The following STRIP1 variants were observed in gnomAD, a reference collection of about 807,000 sequenced individuals.
The protein encoded by STRIP1 is striatin interacting protein 1.
A neutral mutation model predicts 106.2 loss-of-function variants in STRIP1; 63 were observed. The ratio of observed to expected loss-of-function variants is 0.59; its 90% CI spans 0.48 to 0.73. The LOEUF is 0.73. Ranked by LOEUF, STRIP1 falls within the 30% of genes least tolerant of loss-of-function variation. The pLI, the probability that STRIP1 is intolerant of heterozygous loss-of-function variation, is 0.00. For synonymous variants in STRIP1, 390 were observed against 413.0 expected (o/e 0.94, Z 0.67); for missense variants, 857 against 1,074.8 (o/e 0.80, Z 2.83).
chr1:110,051,033 G>C lies in STRIP1; in HGVS notation c.2034G>C (p.Leu678=). 6.2e-7 allele frequency: 1 copy of C among 1,613,038 alleles called. No homozygotes were observed. The highest frequency in any genetic ancestry group is 8.5e-7 in the Non-Finnish European group (1 of 1,178,984). ...CINLLRILNK[L]TKWKHSRTMM... is the part of the protein sequence containing the mutation. ...ATCTGCTTCGGATCTTGAACAAGCT[G>C]ACAAAGTGGAAGCATTCAAGGACAA... Residue 678 remains leucine (L), a synonymous_variant, in exon 19 of 21, where the codon CTG becomes CTC. Coordinates refer to ENST00000369795, the MANE Select transcript of STRIP1 (RefSeq NM_033088.4).
upstream of STRIP1, among the ~76,000 whole-genome samples, chr1:110,033,511 A>G (rs1456680483): frequency 6.6e-6 from 1 of 152,256 alleles, no homozygotes; most frequent in African/African-American, 2.4e-5. Flanking sequence ...TGGGGAGCCC[A>G]AAGTCGAGGG....
At chr1:110,047,489 A>G in intron 13 of STRIP1, 53 bp from the exon 14 acceptor site, 9 of 1,450,922 alleles carry the variant, frequency 6.2e-6, no homozygotes, top group South Asian at 1.2e-5. Context: ...AAGCTGGCTC[A>G]GGAGATTGTA....
chr1:110,053,543 T>C, intron 20 of STRIP1, 122 bp from the exon 21 acceptor site: 2 of 1,380,992 alleles, frequency 1.4e-6, no homozygotes, highest in South Asian at 2.8e-5. Context: ...CTGGCATCTT[T>C]CTGAGGATGA....
chr1:110,050,757 G>T (rs1346365036), intron 18 of STRIP1, among the ~76,000 whole-genome samples, 199 bp from the exon 19 acceptor site: 1 of 152,216 alleles, frequency 6.6e-6, no homozygotes, highest in Non-Finnish European at 1.5e-5. Flanking sequence ...TTTCCTGCAG[G>T]AAAAGTCTAG....
chr1:110,042,528 A>G (rs1652812547), intron 8 of STRIP1, among the ~76,000 whole-genome samples: 1 of 152,210 alleles, frequency 6.6e-6, no homozygotes, highest in Non-Finnish European at 1.5e-5. Context: ...TCATTGACAC[A>G]TTTTATCTTG....
rs1311928896 is a variant in STRIP1, at chr1:110,039,397, A to G, written c.463A>G (p.Thr155Ala). The change falls in exon 5 of 21, where the codon ACG (threonine) becomes GCG (alanine). Residue 155 changes from threonine to alanine, a missense_variant and splice_region_variant. By Grantham distance (58) the Thr-to-Ala change is moderately conservative (BLOSUM62 0). Transcript: ENST00000369795. ...ARAILYVAQG[T>A]FGECSSEAEV... is the part of the protein sequence containing the mutation. ...GTGAGTTGAACCCTGCATTGCAGGC[A>G]CGTTTGGGGAGTGCAGCTCGGAGGC... The G allele has an allele frequency of 3.7e-6, 6 of 1,614,160 alleles. No homozygotes were observed. Among genetic ancestry groups the G allele is most frequent in the Non-Finnish European group, 4.2e-6 (5 of 1,180,006 alleles).
chr1:110,038,970 A>C (rs1309134348), intron 3 of STRIP1: 1 of 749,196 alleles, frequency 1.3e-6, no homozygotes, highest in East Asian at 2.7e-5. Context: ...AAAAAAAATC[A>C]TGTGATTAAA....
Position 110,051,680 on chromosome 1 carries a change from C to T in STRIP1, c.2062-3C>T, listed in dbSNP as rs772283728. ...TGGGCTGCTTGCTTGTTTCCCTTCCCAGATGCTGGTGGTGTTCAAGTCAGC... is the reference window on the plus strand; with the variant it reads ...TGGGCTGCTTGCTTGTTTCCCTTCCTAGATGCTGGTGGTGTTCAAGTCAGC... On this transcript the variant is annotated splice_region_variant and splice_polypyrimidine_tract_variant and intron_variant, in intron 19 of 20. Coordinates refer to ENST00000369795, the MANE Select transcript of STRIP1 (RefSeq NM_033088.4). 6 of 1,598,170 alleles carry T rather than the reference C, an allele frequency of 3.8e-6. No individual in the cohort carries two copies. Among genetic ancestry groups the T allele is most frequent in the Non-Finnish European group, 5.1e-6 (6 of 1,172,202 alleles).
chr1:110,045,491 A>AG (rs1652978730), intron 12 of STRIP1: 1 of 154,190 alleles, frequency 6.5e-6, no homozygotes, highest in South Asian at 2.0e-4. Context: ...AAAAAAAAAA[A>AG]AAAAAAAAAA....
chr1:110,051,535 T>G (rs1337153505), intron 19 of STRIP1, 148 bp from the exon 20 acceptor site: 7 of 748,858 alleles, frequency 9.3e-6, no homozygotes, highest in Non-Finnish European at 1.5e-5. Flanking sequence ...TAAAGTCCTA[T>G]GTATCAGGAA....
chr1:110,051,748 G>A lies in STRIP1; in HGVS notation c.2127G>A (p.Met709Ile), dbSNP rs1238813444. 1 of 1,613,712 alleles carries A rather than the reference G, an allele frequency of 6.2e-7. No homozygotes were observed. Among genetic ancestry groups the A allele is most frequent in the Non-Finnish European group, 8.5e-7 (1 of 1,180,006 alleles). ...CCCTAAAGGTGAAACAAGCCATGATGCAGCTCTATGTGCTGAAGCTGCTCA... is the reference window on the plus strand; with the variant it reads ...CCCTAAAGGTGAAACAAGCCATGATACAGCTCTATGTGCTGAAGCTGCTCA... ...KRALKVKQAMMQLYVLKLLKV... is the reference protein window; with the variant it reads ...KRALKVKQAMIQLYVLKLLKV... Residue 709 changes from methionine to isoleucine, a missense_variant, in exon 20 of 21, where the codon ATG becomes ATA. By Grantham distance (10) the Met-to-Ile change is conservative. This residue lies in a region of STRIP1 where 750 missense variants were observed against 989.8 expected (regional missense o/e 0.76). Coordinates refer to ENST00000369795, the MANE Select transcript of STRIP1 (RefSeq NM_033088.4).
At chr1:110,040,578 G>A in intron 5 of STRIP1, 57 bp from the exon 6 acceptor site, 4 of 1,525,400 alleles carry the variant, frequency 2.6e-6, no homozygotes, top group Non-Finnish European at 2.7e-6. Flanking sequence ...TACTTGTCAG[G>A]GACATCACTT....
chr1:110,039,609 T>C (rs1652660756), intron 5 of STRIP1, 94 bp downstream of exon 5: 2 of 1,426,818 alleles, frequency 1.4e-6, no homozygotes, highest in Admixed American at 2.0e-5. Flanking sequence ...GAGGGTTAAA[T>C]GGGGCAGAAG....
intron 5 of STRIP1, chr1:110,039,895 C>A (rs949161826): frequency 7.7e-7 from 1 of 1,294,744 alleles, no homozygotes; most frequent in African/African-American, 1.5e-5. Context: ...ATGGGCTCAA[C>A]CAGTGCCTGG....
intron 8 of STRIP1, among the ~76,000 whole-genome samples, chr1:110,042,146 C>G (rs1276839162): frequency 5.3e-5 from 8 of 152,140 alleles, no homozygotes; most frequent in African/African-American, 1.9e-4. Context: ...TGCCTCTCAG[C>G]AAGCAGCTCT....
At chr1:110,038,581 A>G (rs1652607210) in intron 2 of STRIP1, 102 bp from the exon 3 acceptor site, 1 of 849,026 alleles carries the variant, frequency 1.2e-6, no homozygotes, top group African/African-American at 1.7e-5. Context: ...ACTCAGGGGC[A>G]GAGTTGAGAG....
intron 18 of STRIP1, 27 bp downstream of exon 18, chr1:110,050,436 T>C (rs1341507890): frequency 1.2e-6 from 2 of 1,610,830 alleles, no homozygotes; most frequent in Non-Finnish European, 8.5e-7. Flanking sequence ...TCCTCAGCTG[T>C]CCTTTTGGCA....
rs771198067 is a variant in STRIP1 at position 110,038,725 on chromosome 1, G to A, written c.293G>A (p.Arg98Gln). 4 of 1,614,150 alleles carry A rather than the reference G, an allele frequency of 2.5e-6. No homozygotes were observed. Among genetic ancestry groups the A allele is most frequent in the East Asian group, 2.2e-5 (1 of 44,886 alleles). Residue 98 changes from arginine to glutamine, a missense_variant, in exon 3 of 21, where the codon CGA (arginine) becomes CAA (glutamine). This residue lies in a region of STRIP1 where 750 missense variants were observed against 989.8 expected (regional missense o/e 0.76). Coordinates refer to ENST00000369795, the MANE Select transcript of STRIP1 (RefSeq NM_033088.4). ...YTEGPEFLMN[R>Q]KCFEEDFRIH... ...GAAGGGCCAGAATTCCTGATGAATC[G>A]AAAATGCTTTGAGGAGGACTTCCGG...
chr1:110,039,229 G>A lies in STRIP1; in HGVS notation c.383G>A (p.Arg128Lys). ...AACCAGCACCGGACCCATGCCATGAGGCTCCTGGATGGCTTGGAAGTCACT... is the reference window on the plus strand; with the variant it reads ...AACCAGCACCGGACCCATGCCATGAAGCTCCTGGATGGCTTGGAAGTCACT... ...DTNQHRTHAM[R>K]LLDGLEVTAR... Residue 128 changes from arginine to lysine, a missense_variant, in exon 4 of 21, where the codon AGG becomes AAG. Around this residue, in one of 2 missense-constraint regions of STRIP1, gnomAD observed 750 missense variants for 989.8 expected, o/e 0.76. Coordinates refer to ENST00000369795, the MANE Select transcript of STRIP1 (RefSeq NM_033088.4). 6.2e-7 allele frequency: 1 copy of A among 1,614,206 alleles called. No homozygotes were observed. Among genetic ancestry groups the A allele is most frequent in the Non-Finnish European group, 8.5e-7 (1 of 1,180,034 alleles).
Sources: gnomAD v4.1 joint callset for allele counts (sites outside exome capture counted in the v4.1 genomes callset) on GRCh38, gnomAD v4.1.1 for gene constraint, gnomAD v4.1.1 regional missense constraint, MANE v1.5 for transcripts, NCBI Gene and HGNC (gene_info 2026-07-23, HGNC 2026-07-21) for gene names.